Variants in FGF14 observed in about 807,000 individuals in gnomAD.
FGF14 encodes fibroblast growth factor homologous factor 4.
FGF14 carries 5 observed loss-of-function variants against 25.5 expected under a neutral mutation model. The observed-to-expected ratio is 0.20, with a 90% confidence interval of 0.10 to 0.41. The LOEUF is 0.41. FGF14 is among the 10% of genes least tolerant of loss of function. The pLI is 1.00. For missense variants in FGF14, 222 were observed against 320.1 expected, an observed-to-expected ratio of 0.69 and a Z score of 2.34; for synonymous variants, 138 against 118.3, an observed-to-expected ratio of 1.17 and a Z score of -1.08.
At chr13:101,995,659 TAAA>T (rs1421839421) in intron 1 of FGF14, among the ~76,000 whole-genome samples, 1 of 152,126 alleles carries the variant, frequency 6.6e-6, no homozygotes, top group East Asian at 1.9e-4. Context: ...GGCTGAGTAC[TAAA>T]GAAAAGCGAA....
chr13:101,858,004 GA>G (rs1359071768), intron 3 of FGF14, among the ~76,000 whole-genome samples: 1 of 151,122 alleles, frequency 6.6e-6, no homozygotes, highest in Non-Finnish European at 1.5e-5. Context: ...TATTCCTCTG[GA>G]AAAAAAGAAA....
At position 102,138,874 on chromosome 13, in the gene FGF14, C is replaced by T. The variant is rs560134128; in HGVS notation, c.208+262597G>A. Among the ~76,000 whole-genome samples, 7 of 152,236 alleles carry T rather than the reference C, an allele frequency of 4.6e-5. No individual in the cohort carries two copies. In the East Asian group the frequency reaches 5.8e-4, roughly 13 times the overall value. On this transcript the variant is annotated intron_variant, in intron 1 of 4. Coordinates refer to the FGF14 transcript ENST00000376131. ...TGGTATTGTTTTCATACAGTAAAACCGTGTTTTAGTGTTTCAGTTCTTACT... is the reference window on the plus strand; with the variant it reads ...TGGTATTGTTTTCATACAGTAAAACTGTGTTTTAGTGTTTCAGTTCTTACT...
At chr13:101,760,086 A>G (rs1049604284) in intron 3 of FGF14, among the ~76,000 whole-genome samples, 15 of 152,216 alleles carry the variant, frequency 9.9e-5, no homozygotes, top group African/African-American at 3.6e-4. Context: ...AGTACTAGCA[A>G]CTAAAGAGAA....
chr13:102,386,746 T>C (rs955592623), intron 1 of FGF14, among the ~76,000 whole-genome samples: 1 of 152,226 alleles, frequency 6.6e-6, no homozygotes, highest in African/African-American at 2.4e-5. Context: ...CACAGATTTG[T>C]TCGTGACTCC....
At chr13:102,168,365 G>T (rs1392998087) in intron 1 of FGF14, among the ~76,000 whole-genome samples, 3 of 152,220 alleles carry the variant, frequency 2.0e-5, no homozygotes, top group Non-Finnish European at 4.4e-5. Context: ...TTTTTGTAGA[G>T]ATGGGGTTTC....
intron 3 of FGF14, among the ~76,000 whole-genome samples, chr13:101,778,668 C>T (rs149114997): frequency 7.2e-4 from 110 of 152,226 alleles, no homozygotes; most frequent in African/African-American, 2.5e-3. Context: ...GCTCTTTAGG[C>T]CCACACAACC....
At chr13:101,802,813 G>T (rs1435183234) in intron 3 of FGF14, among the ~76,000 whole-genome samples, 1 of 152,152 alleles carries the variant, frequency 6.6e-6, no homozygotes, top group African/African-American at 2.4e-5. Flanking sequence ...ATTTGGCTAT[G>T]GGCTAGAAAT....
intron 1 of FGF14, among the ~76,000 whole-genome samples, chr13:102,253,027 C>T (rs1594592018): frequency 6.6e-6 from 1 of 152,172 alleles, no homozygotes; most frequent in African/African-American, 2.4e-5. Flanking sequence ...GCATAGTATT[C>T]CATGGTGTAT....
At chr13:101,936,282 A>G (rs1211847574) in intron 1 of FGF14, among the ~76,000 whole-genome samples, 1 of 152,156 alleles carries the variant, frequency 6.6e-6, no homozygotes. Context: ...AGTGAAAAGA[A>G]TTTCACAGTT....
chr13:102,044,744 C>T (rs2041903837), intron 1 of FGF14, among the ~76,000 whole-genome samples: 1 of 152,134 alleles, frequency 6.6e-6, no homozygotes, highest in Admixed American at 6.6e-5. Flanking sequence ...CATCCTCCAC[C>T]ACTCAAGAAG....
At chr13:101,970,773 T>C (rs1187048774) in intron 1 of FGF14, among the ~76,000 whole-genome samples, 1 of 152,202 alleles carries the variant, frequency 6.6e-6, no homozygotes, top group Non-Finnish European at 1.5e-5. Context: ...ACTTTTCATC[T>C]ATTCTTCTGT....
At chr13:102,116,850 G>T (rs2045495551) in intron 1 of FGF14, among the ~76,000 whole-genome samples, 1 of 152,190 alleles carries the variant, frequency 6.6e-6, no homozygotes, top group South Asian at 2.1e-4. Flanking sequence ...TTTTATTACA[G>T]TAGGAAAAGA....
intron 1 of FGF14, among the ~76,000 whole-genome samples, chr13:102,145,541 A>G (rs1214284573): frequency 6.6e-6 from 1 of 152,186 alleles, no homozygotes; most frequent in Admixed American, 6.5e-5. Context: ...GGTTTCTCGT[A>G]CTGACTTATG....
At chr13:102,326,699 G>A (rs1179182954) in intron 1 of FGF14, among the ~76,000 whole-genome samples, 2 of 49,374 alleles carry the variant, frequency 4.1e-5, no homozygotes, top group East Asian at 8.5e-4. Flanking sequence ...GGAAGGGAAG[G>A]AAGGAAGGAA....
chr13:102,101,035 G>A (rs1195922507), intron 1 of FGF14, among the ~76,000 whole-genome samples: 1 of 151,926 alleles, frequency 6.6e-6, no homozygotes, highest in Non-Finnish European at 1.5e-5. Context: ...GGAGGCGGAG[G>A]TTGCAGTGAG....
intron 1 of FGF14, among the ~76,000 whole-genome samples, chr13:102,281,272 T>G (rs1280512126): frequency 6.6e-6 from 1 of 152,220 alleles, no homozygotes; most frequent in Non-Finnish European, 1.5e-5. Context: ...GTAAGGGCTG[T>G]CCCTGAGCCT....
At chr13:102,355,919 A>T (rs937591232) in intron 1 of FGF14, among the ~76,000 whole-genome samples, 1 of 152,156 alleles carries the variant, frequency 6.6e-6, no homozygotes, top group Non-Finnish European at 1.5e-5. Flanking sequence ...TTTCCATCTC[A>T]GGTAACAACC....
At position 101,852,684 on chromosome 13, in the gene FGF14, G is replaced by A. The variant is rs976727182; in HGVS notation, c.408+16041C>T. ...CCACAACAGACCTAATGACACATAA[G>A]AAGAATACTTGATGTCAAAACTCCT... On this transcript the variant is annotated intron_variant, in intron 3 of 4. Coordinates refer to ENST00000376143, the MANE Select transcript of FGF14 (RefSeq NM_004115.4). 2.0e-5 allele frequency among the ~76,000 whole-genome samples: 3 copies of A among 152,014 alleles called. No individual in the cohort carries two copies. In the South Asian group the frequency reaches 6.2e-4, roughly 32 times the overall value.
intron 1 of FGF14, among the ~76,000 whole-genome samples, chr13:102,176,666 CA>C (rs1460884941): frequency 6.6e-6 from 1 of 151,960 alleles, no homozygotes; most frequent in Non-Finnish European, 1.5e-5. Context: ...TAATGTATTG[CA>C]CAATTAAAAA....
Sources: allele counts gnomAD v4.1 joint callset (sites outside exome capture counted in the v4.1 genomes callset), GRCh38; gene constraint gnomAD v4.1.1; transcripts MANE v1.5; gene names NCBI Gene and HGNC (gene_info 2026-07-23, HGNC 2026-07-21).